TEK: variants seen among roughly 807,000 people sequenced by gnomAD.
The protein encoded by TEK is angiopoietin-1 receptor.
In TEK, 43 loss-of-function variants were observed where a neutral mutation model predicts 131.8. That is an observed-to-expected ratio of 0.33 (90% CI 0.26 to 0.42). The LOEUF (loss-of-function observed/expected upper bound fraction) is 0.42. Among genes scored for constraint, TEK ranks in the 10% least tolerant of loss-of-function variants. TEK has a pLI of 1.00. For synonymous variants in TEK, 580 were observed against 491.6 expected, an observed-to-expected ratio of 1.18 and a Z score of -2.38; for missense variants, 1,162 against 1,384.4, an observed-to-expected ratio of 0.84 and a Z score of 2.55.
At chr9:27,217,663 T>C in intron 18 of TEK, 25 bp from the exon 19 acceptor site, 1 of 1,612,526 alleles carries the variant, frequency 6.2e-7, no homozygotes, top group East Asian at 2.2e-5. Flanking sequence ...CCCAGTTAAG[T>C]GAAATCTCAC....
rs1823385229 is a variant in TEK, at chr9:27,157,698, G to C, written c.53-133G>C. 6.5e-6 allele frequency: 7 copies of C among 1,081,206 alleles called. No homozygotes were observed. In the South Asian group the frequency reaches 9.4e-5, roughly 14 times the overall value. The allele number at this position is 1,081,206 out of a possible 1,614,324, so 67.0% of individuals were successfully genotyped here. On this transcript the variant is annotated intron_variant, in intron 1 of 22. Transcript: ENST00000380036. The stretch of plus-strand genomic sequence containing the variant: ...TTTGGATTTTGTCCAGTGGAAGATA[G>C]GCACATGGTCAGAATAGCATTTTAG...
At chr9:27,130,857 C>T (rs1270798522) in intron 1 of TEK, among the ~76,000 whole-genome samples, 1 of 151,222 alleles carries the variant, frequency 6.6e-6, no homozygotes, top group Non-Finnish European at 1.5e-5. Context: ...TGAGCCACCG[C>T]GCCCGGCCAA....
intron 9 of TEK, among the ~76,000 whole-genome samples, chr9:27,186,537 G>T (rs753147121): frequency 6.6e-6 from 1 of 152,190 alleles, no homozygotes; most frequent in Admixed American, 6.5e-5. Flanking sequence ...TTGATCCACA[G>T]TTGGCTGATC....
chr9:27,166,410 A>C (rs1392673845), intron 2 of TEK, among the ~76,000 whole-genome samples: 1 of 152,208 alleles, frequency 6.6e-6, no homozygotes, highest in African/African-American at 2.4e-5. Flanking sequence ...CACCGTGTTC[A>C]CGGATTTGTC....
At chr9:27,195,336 G>A (rs1824966422) in intron 11 of TEK, among the ~76,000 whole-genome samples, 2 of 152,066 alleles carry the variant, frequency 1.3e-5, no homozygotes, top group African/African-American at 4.8e-5. Flanking sequence ...TAAGAGCAGT[G>A]TTTCTCAACC....
intron 10 of TEK, among the ~76,000 whole-genome samples, chr9:27,191,687 C>T (rs1824829075): frequency 6.6e-6 from 1 of 152,084 alleles, no homozygotes; most frequent in Non-Finnish European, 1.5e-5. Flanking sequence ...GAGTCCTTCA[C>T]ATACTATTGT....
chr9:27,209,176 T>C lies in TEK; in HGVS notation c.2631T>C (p.Cys877=). ...TTGCAGGAGAACTGGAAGTTCTTTG[T>C]AAACTTGGACACCATCCAAACATCA... is the stretch of plus-strand genomic sequence containing the variant. The part of the protein sequence containing the change: ...RDFAGELEVL[C]KLGHHPNIIN... Residue 877 remains cysteine (C), a synonymous_variant, in exon 16 of 23, where the codon TGT becomes TGC. Transcript: ENST00000380036. The C allele has an allele frequency of 6.2e-7, 1 of 1,614,136 alleles. No individual in the cohort carries two copies. Among genetic ancestry groups the C allele is most frequent in the African/African-American group, 1.3e-5 (1 of 75,070 alleles).
chr9:27,217,593 C>G, intron 18 of TEK, 95 bp from the exon 19 acceptor site: 1 of 1,076,658 alleles, frequency 9.3e-7, no homozygotes, highest in South Asian at 1.3e-5. Flanking sequence ...TCTGAGTCTA[C>G]CCAGCAATCA....
intron 1 of TEK, among the ~76,000 whole-genome samples, chr9:27,136,085 A>ATTTTTTTTTTT (rs36023271): frequency 2.9e-5 from 4 of 137,014 alleles, no homozygotes; most frequent in Non-Finnish European, 3.1e-5. Context: ...CAGGGCAGTT[A>ATTTTTTTTTTT]TTTTTTTTTT....
intron 1 of TEK, among the ~76,000 whole-genome samples, chr9:27,134,107 TTGAG>T (rs1202872067): frequency 2.6e-5 from 4 of 152,210 alleles, no homozygotes; most frequent in African/African-American, 9.6e-5. Context: ...GATCGAAGGT[TTGAG>T]TGACAGGCTG....
At chr9:27,189,032 G>A (rs925813079) in intron 9 of TEK, among the ~76,000 whole-genome samples, 6 of 152,120 alleles carry the variant, frequency 3.9e-5, no homozygotes, top group African/African-American at 1.4e-4. Context: ...CCAAAGCATT[G>A]AGACAGAAAG....
At chr9:27,209,346 G>C (rs778137299) in intron 16 of TEK, 115 bp downstream of exon 16, 1 of 793,866 alleles carries the variant, frequency 1.3e-6, no homozygotes, top group Non-Finnish European at 2.1e-6. Context: ...TTTTAAAGTT[G>C]CATCTTCTAT....
chr9:27,194,525 A>T (rs1413721171), intron 11 of TEK, among the ~76,000 whole-genome samples: 1 of 152,194 alleles, frequency 6.6e-6, no homozygotes, highest in Non-Finnish European at 1.5e-5. Flanking sequence ...GGGATCCCTG[A>T]TATGTCATCA....
At position 27,212,753 on chromosome 9, in the gene TEK, G is replaced by C. The variant is rs1207415587; in HGVS notation, c.2733G>C (p.Leu911=). 1.2e-6 allele frequency: 2 copies of C among 1,614,130 alleles called. No individual in the cohort carries two copies. The highest frequency in any genetic ancestry group is 4.5e-5 in the East Asian group (2 of 44,866). Residue 911 remains leucine (L), a synonymous_variant, in exon 17 of 23, where the codon CTG becomes CTC. Coordinates refer to ENST00000380036, the MANE Select transcript of TEK (RefSeq NM_000459.5). ...AIEYAPHGNL[L]DFLRKSRVLE... Reference sequence around the variant, plus strand: ...AGTACGCGCCCCATGGAAACCTTCTGGACTTCCTTCGCAAGAGCCGTGTGC... The same window carrying C: ...AGTACGCGCCCCATGGAAACCTTCTCGACTTCCTTCGCAAGAGCCGTGTGC...
intron 1 of TEK, among the ~76,000 whole-genome samples, chr9:27,154,834 G>A (rs955958542): frequency 6.6e-6 from 1 of 152,148 alleles, no homozygotes; most frequent in Admixed American, 6.5e-5. Flanking sequence ...CAGACTCCCA[G>A]AGGCCACAAT....
intron 16 of TEK, among the ~76,000 whole-genome samples, chr9:27,211,908 TA>T (rs1399723463): frequency 2.6e-5 from 4 of 151,586 alleles, no homozygotes; most frequent in African/African-American, 4.9e-5. Context: ...AAATTCCCTT[TA>T]AAAAAATTTT....
At chr9:27,223,108 G>A (rs1006860821) in intron 21 of TEK, among the ~76,000 whole-genome samples, 8 of 152,114 alleles carry the variant, frequency 5.3e-5, no homozygotes, top group Non-Finnish European at 1.2e-4. Flanking sequence ...CAATGCAGGA[G>A]CACCCAGATT....
At chr9:27,179,914 A>G (rs1375674978) in intron 6 of TEK, among the ~76,000 whole-genome samples, 5 of 152,296 alleles carry the variant, frequency 3.3e-5, no homozygotes, top group Admixed American at 3.3e-4. Flanking sequence ...GAAACACATC[A>G]TTCCCATCTT....
intron 1 of TEK, among the ~76,000 whole-genome samples, chr9:27,111,970 A>G (rs1031712734): frequency 1.3e-5 from 2 of 148,208 alleles, no homozygotes; most frequent in Admixed American, 6.9e-5. Flanking sequence ...GTGATCTCAG[A>G]TCACTGCAAC....
Sources: allele counts gnomAD v4.1 joint callset (sites outside exome capture counted in the v4.1 genomes callset), GRCh38; gene constraint gnomAD v4.1.1; transcripts MANE v1.5; gene names NCBI Gene and HGNC (gene_info 2026-07-23, HGNC 2026-07-21).